Variants in PDE10A observed in about 807,000 individuals in gnomAD.
PDE10A encodes phosphodiesterase 10A.
A neutral mutation model predicts 97.7 loss-of-function variants in PDE10A; 39 were observed. The observed-to-expected ratio is 0.40, with a 90% CI of 0.31 to 0.52. The LOEUF is 0.52. PDE10A is among the 20% of genes least tolerant of loss of function. PDE10A has a pLI of 0.56. For synonymous variants in PDE10A, 371 were observed against 376.8 expected, an observed-to-expected ratio of 0.98 and a Z score of 0.18; for missense variants, 731 against 1,047.8, an observed-to-expected ratio of 0.70 and a Z score of 4.17.
At chr6:165,491,074 T>C (rs1237827029) in intron 2 of PDE10A, among the ~76,000 whole-genome samples, 1 of 152,160 alleles carries the variant, frequency 6.6e-6, no homozygotes, top group Non-Finnish European at 1.5e-5. Flanking sequence ...TATGTGCAAA[T>C]GGACACTAAA....
intron 18 of PDE10A, among the ~76,000 whole-genome samples, chr6:165,360,444 G>A (rs1194936918): frequency 6.6e-6 from 1 of 152,174 alleles, no homozygotes; most frequent in African/African-American, 2.4e-5. Flanking sequence ...ATAAATGTAG[G>A]AGTTCATATG....
intron 1 of PDE10A, among the ~76,000 whole-genome samples, chr6:165,944,564 T>A (rs1783699694): frequency 6.6e-6 from 1 of 152,240 alleles, no homozygotes; most frequent in Non-Finnish European, 1.5e-5. Flanking sequence ...GTGCTACCAT[T>A]TTTATTGGGT....
chr6:165,645,853 C>CAAAAAA (rs57923490), intron 1 of PDE10A, among the ~76,000 whole-genome samples: 3 of 101,254 alleles, frequency 3.0e-5, no homozygotes, highest in East Asian at 2.7e-4. Flanking sequence ...GACTCCATCT[C>CAAAAAA]AAAAAAAAAA....
At position 165,592,036 on chromosome 6, in the gene PDE10A, C is replaced by T. The variant is rs188011053; in HGVS notation, c.866-48468G>A. On this transcript the variant is annotated intron_variant, in intron 1 of 21. Transcript: ENST00000539869. ...AAAATGTGCTAAGCTGGAGGCATCA[C>T]GTTCCCTGACTTCAAACTATACTAC... is the stretch of plus-strand genomic sequence containing the variant. Among the ~76,000 whole-genome samples, 187 of 152,296 alleles carry T rather than the reference C, an allele frequency of 1.2e-3. 2 individuals are homozygous for T. The highest frequency in any genetic ancestry group is 2.7e-3 in the Admixed American group (42 of 15,296).
chr6:165,508,854 T>A (rs1467714434), intron 2 of PDE10A, among the ~76,000 whole-genome samples: 1 of 152,042 alleles, frequency 6.6e-6, no homozygotes, highest in Non-Finnish European at 1.5e-5. Context: ...TATACAGTTG[T>A]GAAGCTATCA....
chr6:165,964,299 C>T (rs116079315), intron 1 of PDE10A, among the ~76,000 whole-genome samples: 1 of 152,308 alleles, frequency 6.6e-6, no homozygotes, highest in African/African-American at 2.4e-5. Context: ...GGTCAGCCGC[C>T]AGCTCCTCAT....
intron 1 of PDE10A, among the ~76,000 whole-genome samples, chr6:165,783,867 T>A (rs775214128): frequency 6.6e-6 from 1 of 152,052 alleles, no homozygotes. Flanking sequence ...AGGAGTAACC[T>A]AGGTTTGAGA....
chr6:165,378,182 T>C (rs1784728137), intron 18 of PDE10A, among the ~76,000 whole-genome samples: 1 of 152,222 alleles, frequency 6.6e-6, no homozygotes, highest in Non-Finnish European at 1.5e-5. Context: ...ATTTTGTATT[T>C]GGTGTACCTG....
intron 1 of PDE10A, among the ~76,000 whole-genome samples, chr6:165,648,546 G>A (rs929305173): frequency 6.6e-6 from 1 of 152,064 alleles, no homozygotes; most frequent in African/African-American, 2.4e-5. Context: ...ACTACTGAAT[G>A]CCTTATTCTA....
intron 1 of PDE10A, among the ~76,000 whole-genome samples, chr6:165,845,569 G>A (rs533883634): frequency 6.6e-6 from 1 of 152,328 alleles, no homozygotes; most frequent in South Asian, 2.1e-4. Context: ...GTGCTAATCA[G>A]TTCTGTTGGA....
At chr6:165,800,926 C>G (rs892064831) in intron 1 of PDE10A, among the ~76,000 whole-genome samples, 1 of 152,154 alleles carries the variant, frequency 6.6e-6, no homozygotes, top group Non-Finnish European at 1.5e-5. Flanking sequence ...AAATTCCTCT[C>G]GAAACAGAGC....
chr6:165,698,637 G>C (rs1045966600), intron 1 of PDE10A, among the ~76,000 whole-genome samples: 1 of 152,194 alleles, frequency 6.6e-6, no homozygotes, highest in Non-Finnish European at 1.5e-5. Flanking sequence ...ATCACCTGAG[G>C]TCAGCAGTTC....
intron 1 of PDE10A, among the ~76,000 whole-genome samples, chr6:165,922,653 G>A (rs1035875351): frequency 6.6e-6 from 1 of 152,112 alleles, no homozygotes; most frequent in Non-Finnish European, 1.5e-5. Flanking sequence ...AATCATGTGG[G>A]AGTTTATGAG....
chr6:165,699,797 T>C (rs1456600921), intron 1 of PDE10A, among the ~76,000 whole-genome samples: 2 of 152,042 alleles, frequency 1.3e-5, no homozygotes, highest in African/African-American at 4.8e-5. Context: ...AATGAAGACA[T>C]AGCATACCAA....
chr6:165,982,104 G>A (rs1454634478), intron 1 of PDE10A, among the ~76,000 whole-genome samples: 1 of 152,180 alleles, frequency 6.6e-6, no homozygotes, highest in Non-Finnish European at 1.5e-5. Context: ...TGTCAGAGAG[G>A]TAGAGTTATG....
intron 3 of PDE10A, among the ~76,000 whole-genome samples, chr6:165,466,057 A>G (rs1317036794): frequency 6.6e-6 from 1 of 152,242 alleles, no homozygotes; most frequent in East Asian, 1.9e-4. Flanking sequence ...CGAAGTAGAA[A>G]GCACACAGGC....
chr6:165,831,767 G>A (rs1210646735), intron 1 of PDE10A, among the ~76,000 whole-genome samples: 2 of 152,124 alleles, frequency 1.3e-5, no homozygotes, highest in Non-Finnish European at 2.9e-5. Context: ...TTACAGGTGT[G>A]AGCCACTGCA....
Position 165,418,722 on chromosome 6 carries a change from T to C in PDE10A, c.1709A>G (p.His570Arg), listed in dbSNP as rs753076125. The C allele has an allele frequency of 1.2e-6, 2 of 1,613,840 alleles. No homozygotes were observed. Among genetic ancestry groups the C allele is most frequent in the Non-Finnish European group, 8.5e-7 (1 of 1,179,838 alleles). Reference protein sequence around the residue: ...ADRCALFQVDHKNKELYSDLF... With the variant: ...ADRCALFQVDRKNKELYSDLF... Reference sequence around the variant, plus strand: ...GTCTGAATATAACTCCTTGTTCTTATGGTCCACCTGGAAAAGCGCACAACG... The same window carrying C: ...GTCTGAATATAACTCCTTGTTCTTACGGTCCACCTGGAAAAGCGCACAACG... Residue 570 changes from histidine to arginine, a missense_variant, in exon 11 of 22, where the codon CAT becomes CGT. His to Arg is a conservative substitution (Grantham distance 29). Around this residue, in one of 8 missense-constraint regions of PDE10A, gnomAD observed 108 missense variants for 199.8 expected, o/e 0.54. Transcript: ENST00000539869. This position sits in a 1 kb window ranked among gnomAD's most constrained non-coding sequence, Gnocchi z 4.8.
rs117143007 is a variant in PDE10A at position 165,376,023 on chromosome 6, G to A, written c.2783+3171C>T. 5.3e-5 allele frequency among the ~76,000 whole-genome samples: 8 copies of A among 152,320 alleles called. No homozygotes were observed. The East Asian group carries it at 1.5e-3, about 29-fold the overall frequency. ...ATGCACATGATTAATGCATTTTCAAGCCTGTTCACACAACATCTATTCTGT... is the reference window on the plus strand; with the variant it reads ...ATGCACATGATTAATGCATTTTCAAACCTGTTCACACAACATCTATTCTGT... On this transcript the variant is annotated intron_variant, in intron 18 of 21. Coordinates refer to ENST00000539869, the MANE Select transcript of PDE10A (RefSeq NM_001385079.1).
Sources: gnomAD v4.1 joint callset for allele counts (sites outside exome capture counted in the v4.1 genomes callset) on GRCh38, gnomAD v4.1.1 for gene constraint, gnomAD v4.1.1 regional missense constraint, Gnocchi (gnomAD v3.1) non-coding constraint, MANE v1.5 for transcripts, NCBI Gene and HGNC (gene_info 2026-07-23, HGNC 2026-07-21) for gene names.